The following VOPP1 variants were observed in gnomAD, a reference collection of about 807,000 sequenced individuals.
VOPP1 encodes VOPP1 WW domain binding protein.
A neutral mutation model predicts 23.5 loss-of-function variants in VOPP1; 8 were observed. That is an observed-to-expected ratio of 0.34 (90% CI 0.20 to 0.61). The LOEUF is 0.61. Ranked by LOEUF, VOPP1 falls within the 20% of genes least tolerant of loss-of-function variation. VOPP1 has a pLI of 0.78. For missense variants in VOPP1, 174 were observed against 238.1 expected (o/e 0.73, Z 1.77); for synonymous variants, 83 against 97.3 (o/e 0.85, Z 0.86).
intron 4 of VOPP1, among the ~76,000 whole-genome samples, chr7:55,476,233 T>C (rs925311447): frequency 6.6e-6 from 1 of 152,160 alleles, no homozygotes. Flanking sequence ...TCCTCCTCAG[T>C]GGGAGTCTTG....
At chr7:55,497,833 A>G in intron 2 of VOPP1, 143 bp from the exon 3 acceptor site, 1 of 697,208 alleles carries the variant, frequency 1.4e-6, no homozygotes, top group Non-Finnish European at 2.5e-6. Context: ...CCTCCACTGC[A>G]TTTCACAGAA....
intron 1 of VOPP1, among the ~76,000 whole-genome samples, chr7:55,541,825 CAT>C (rs1432323929): frequency 1.3e-5 from 2 of 152,190 alleles, no homozygotes; most frequent in African/African-American, 4.8e-5. Flanking sequence ...GACCACGTTA[CAT>C]GATTCCATTT....
At chr7:55,447,871 C>G (rs1409913879) in intron 4 of VOPP1, among the ~76,000 whole-genome samples, 1 of 152,048 alleles carries the variant, frequency 6.6e-6, no homozygotes, top group Non-Finnish European at 1.5e-5. Context: ...AATAAAAGAA[C>G]AGAAAATGGG....
At chr7:55,495,141 G>A (rs1227632042) in intron 3 of VOPP1, among the ~76,000 whole-genome samples, 1 of 152,000 alleles carries the variant, frequency 6.6e-6, no homozygotes, top group African/African-American at 2.4e-5. Flanking sequence ...CCCCACTCAG[G>A]ACTCCGCATG....
At chr7:55,529,720 T>C (rs1185751202) in intron 1 of VOPP1, among the ~76,000 whole-genome samples, 4 of 152,186 alleles carry the variant, frequency 2.6e-5, no homozygotes, top group Non-Finnish European at 4.4e-5. Flanking sequence ...AGTTCCCTCA[T>C]GTTGTTCTGC....
intron 1 of VOPP1, chr7:55,537,737 GAC>G: frequency 2.1e-6 from 3 of 1,402,928 alleles, no homozygotes; most frequent in Non-Finnish European, 1.9e-6. Context: ...CAGCGCTTGT[GAC>G]AGTGTGAAAA....
intron 4 of VOPP1, among the ~76,000 whole-genome samples, chr7:55,476,071 A>T (rs1003970877): frequency 6.6e-6 from 1 of 152,200 alleles, no homozygotes; most frequent in Non-Finnish European, 1.5e-5. Context: ...GGAGAGCCAC[A>T]GGAGACTGGG....
At chr7:55,446,165 T>G (rs1028200686) in intron 4 of VOPP1, among the ~76,000 whole-genome samples, 2 of 152,144 alleles carry the variant, frequency 1.3e-5, no homozygotes, top group Non-Finnish European at 2.9e-5. Context: ...GATAATTTTT[T>G]TGTATTTTTA....
intron 1 of VOPP1, among the ~76,000 whole-genome samples, chr7:55,543,700 G>A (rs1562616326): frequency 6.8e-6 from 1 of 146,026 alleles, no homozygotes; most frequent in Admixed American, 6.8e-5. Context: ...CATTTACATG[G>A]TTTTTTTTTT....
chr7:55,545,087 G>A (rs1471218225), intron 1 of VOPP1, among the ~76,000 whole-genome samples: 1 of 152,220 alleles, frequency 6.6e-6, no homozygotes, highest in Non-Finnish European at 1.5e-5. Context: ...CTAAATAAGA[G>A]TTGAAAGTAG....
chr7:55,463,806 C>T (rs911314385), intron 4 of VOPP1, among the ~76,000 whole-genome samples: 2 of 152,168 alleles, frequency 1.3e-5, no homozygotes, highest in South Asian at 2.1e-4. Context: ...TCAGCCAGGG[C>T]GGGCCTGCCC....
intron 4 of VOPP1, among the ~76,000 whole-genome samples, chr7:55,486,037 C>G (rs916178383): frequency 6.6e-6 from 1 of 152,220 alleles, no homozygotes; most frequent in South Asian, 2.1e-4. Context: ...TTGGTACGTG[C>G]AGTGTGTCCC....
intron 4 of VOPP1, among the ~76,000 whole-genome samples, chr7:55,453,553 G>C (rs560747616): frequency 1.3e-5 from 2 of 152,296 alleles, no homozygotes; most frequent in South Asian, 4.1e-4. Flanking sequence ...AAAGAGATGA[G>C]GGAATGGAGG....
intron 4 of VOPP1, among the ~76,000 whole-genome samples, chr7:55,491,587 A>G (rs569326344): frequency 6.6e-6 from 1 of 152,322 alleles, no homozygotes; most frequent in African/African-American, 2.4e-5. Context: ...CTGTCATCAG[A>G]GAGCTCCCTG....
At chr7:55,564,274 T>C (rs1226544346) in intron 1 of VOPP1, among the ~76,000 whole-genome samples, 1 of 130,448 alleles carries the variant, frequency 7.7e-6, no homozygotes, top group Non-Finnish European at 1.7e-5. Context: ...TCTCGCTCGC[T>C]TGCTCTCTCT....
intron 1 of VOPP1, among the ~76,000 whole-genome samples, chr7:55,526,482 T>C (rs1304177360): frequency 6.6e-6 from 1 of 152,128 alleles, no homozygotes; most frequent in African/African-American, 2.4e-5. Flanking sequence ...GTTGAGTGCT[T>C]CTCCCTTTTC....
intron 1 of VOPP1, chr7:55,526,613 G>A (rs1472408706): frequency 2.0e-5 from 3 of 152,170 alleles, no homozygotes; most frequent in South Asian, 2.1e-4. Flanking sequence ...AAACAACATG[G>A]ATTTTACCTA....
At chr7:55,470,336 C>T (rs1298704439), downstream of VOPP1, among the ~76,000 whole-genome samples, 2 of 152,164 alleles carry the variant, frequency 1.3e-5, no homozygotes, top group East Asian at 1.9e-4. Context: ...GAAGGCTCCC[C>T]GACCTGTGAA....
chr7:55,465,527 G>A (rs1243228604), intron 4 of VOPP1, among the ~76,000 whole-genome samples: 7 of 152,210 alleles, frequency 4.6e-5, no homozygotes, highest in East Asian at 1.9e-4. Context: ...ACCACAGACC[G>A]ACTCCTCACA....
Sources: gnomAD v4.1 joint callset for allele counts (sites outside exome capture counted in the v4.1 genomes callset) on GRCh38, gnomAD v4.1.1 for gene constraint, MANE v1.5 for transcripts, NCBI Gene and HGNC (gene_info 2026-07-23, HGNC 2026-07-21) for gene names.